The following TIMELESS variants were observed in gnomAD, a reference collection of about 807,000 sequenced individuals.
TIMELESS encodes the protein protein timeless homolog.
A neutral mutation model predicts 164.3 loss-of-function variants in TIMELESS; 124 were observed. That is an observed-to-expected ratio of 0.75 (90% CI 0.65 to 0.88). TIMELESS has a LOEUF of 0.88. Ranked by LOEUF, TIMELESS falls within the 40% of genes least tolerant of loss-of-function variation. TIMELESS has a pLI of 0.00. For missense variants in TIMELESS, 1,422 were observed against 1,491.4 expected, an observed-to-expected ratio of 0.95 and a Z score of 0.77; for synonymous variants, 564 against 563.4, an observed-to-expected ratio of 1.00 and a Z score of -0.02.
rs1881967476 is a variant in TIMELESS at position 56,433,557 on chromosome 12, T to C, written c.347A>G (p.Tyr116Cys). 1 of 1,614,002 alleles carries C rather than the reference T, an allele frequency of 6.2e-7. No homozygotes were observed. The highest frequency in any genetic ancestry group is 1.3e-5 in the African/African-American group (1 of 74,908). The change falls in exon 4 of 29, where the codon TAT (tyrosine) becomes TGT (cysteine). Residue 116 changes from tyrosine to cysteine, a missense_variant. By Grantham distance (194) the Tyr-to-Cys change is radical. Transcript: ENST00000553532. ...FRHHFLQVLT[Y>C]LQAYKEAFAS... ...CCTCACCTCTTTGTAGGCCTGCAAA[T>C]AAGTTAGCACCTGCAAAAAATGGTG...
intron 1 of TIMELESS, among the ~76,000 whole-genome samples, chr12:56,445,023 T>G: frequency 6.6e-6 from 1 of 151,832 alleles, no homozygotes; most frequent in South Asian, 2.1e-4. Flanking sequence ...TACCTTACAC[T>G]CAATAGGTCT....
intron 7 of TIMELESS, 142 bp from the exon 8 acceptor site, chr12:56,431,746 A>T: frequency 3.9e-6 from 4 of 1,038,640 alleles, no homozygotes; most frequent in Non-Finnish European, 5.3e-6. Flanking sequence ...TCTGAGGGGG[A>T]AATGTTCTAA....
chr12:56,422,467 TG>T (rs1346567818), intron 19 of TIMELESS, among the ~76,000 whole-genome samples: 1 of 152,040 alleles, frequency 6.6e-6, no homozygotes, highest in Non-Finnish European at 1.5e-5. Context: ...AGAGACTAAG[TG>T]TGAAAGGAGA....
intron 2 of TIMELESS, 32 bp downstream of exon 2, chr12:56,434,042 T>A (rs1565685930): frequency 1.9e-6 from 3 of 1,611,992 alleles, no homozygotes; most frequent in Non-Finnish European, 2.5e-6. Flanking sequence ...TTCAAGCCAA[T>A]TTTTTTCCTG....
chr12:56,427,590 T>C (rs901151484), intron 13 of TIMELESS, among the ~76,000 whole-genome samples: 12 of 152,310 alleles, frequency 7.9e-5, no homozygotes, highest in African/African-American at 2.9e-4. Context: ...CTCTTTGTGT[T>C]GCTGTTGAGA....
chr12:56,422,830 GC>G lies in TIMELESS; in HGVS notation c.2438+16del. ...CTTCCCCTACCCCCACCCACCCTTT[GC>G]CAACTTCAAGCTCACCTGTCATCCA... On this transcript the variant is annotated intron_variant, in intron 19 of 28. Transcript: ENST00000553532. The G allele has an allele frequency of 4.4e-6, 3 of 680,322 alleles. No homozygotes were observed. The highest frequency in any genetic ancestry group is 4.9e-6 in the Non-Finnish European group (2 of 406,100). 42.1% of individuals were successfully genotyped at this position (680,322 alleles called of 1,614,324 possible). A position where few individuals can be genotyped will look rare whatever the true frequency, so the allele number is the denominator to read the frequency against.
intron 19 of TIMELESS, 25 bp downstream of exon 19, chr12:56,422,822 C>A: frequency 6.4e-7 from 1 of 1,568,272 alleles, no homozygotes; most frequent in South Asian, 1.1e-5. Context: ...TACCCCCACC[C>A]ACCCTTTGCC....
intron 10 of TIMELESS, among the ~76,000 whole-genome samples, chr12:56,429,345 C>G (rs1384419911): frequency 6.6e-6 from 1 of 151,796 alleles, no homozygotes; most frequent in African/African-American, 2.4e-5. Context: ...ATTATAGGTG[C>G]CCGCCACCAC....
chr12:56,419,011 TC>T (rs67745381), intron 26 of TIMELESS, among the ~76,000 whole-genome samples: 2,226 of 146,564 alleles, frequency 0.015, 90 homozygotes, highest in Non-Finnish European at 0.021. Context: ...TTTTTTTTTT[TC>T]TTTTTGAGGC....
In TIMELESS at chr12:56,433,104, T is replaced by C; in HGVS notation, c.453A>G (p.Glu151=). 1 of 1,614,156 alleles carries C rather than the reference T, an allele frequency of 6.2e-7. No homozygotes were observed. The highest frequency in any genetic ancestry group is 8.5e-7 in the Non-Finnish European group (1 of 1,180,024). The part of the protein sequence containing the change: ...LQLGWEERQE[E]DNLLIERILL... ...GGATCCGTTCAATCAGCAAGTTGTCTTCCTCCTGCCGTTCCTCCCAGCCCT... is the reference window on the plus strand; with the variant it reads ...GGATCCGTTCAATCAGCAAGTTGTCCTCCTCCTGCCGTTCCTCCCAGCCCT... The change falls in exon 6 of 29, where the codon GAA becomes GAG. Residue 151 remains glutamate (E), a synonymous_variant. Transcript: ENST00000553532.
intron 6 of TIMELESS, among the ~76,000 whole-genome samples, 161 bp downstream of exon 6, chr12:56,432,865 G>C (rs768028226): frequency 6.9e-6 from 1 of 144,536 alleles, no homozygotes; most frequent in Non-Finnish European, 1.5e-5. Flanking sequence ...TGAGGCAGGA[G>C]AATGGCGTGA....
chr12:56,422,813 A>AACCCCCCC, intron 19 of TIMELESS, 34 bp downstream of exon 19: 11 of 1,356,814 alleles, frequency 8.1e-6, no homozygotes, highest in African/African-American at 1.5e-5. Context: ...AACTTCCCCT[A>AACCCCCCC]CCCCCACCCA....
rs766271053 is a variant in TIMELESS at position 56,428,228 on chromosome 12, C to T, written c.1578+8G>A. On this transcript the variant is annotated splice_region_variant and intron_variant, in intron 13 of 28. Coordinates refer to ENST00000553532, the MANE Select transcript of TIMELESS (RefSeq NM_003920.5). ...CAGCTCTTTCTACATTGTGGGGCTG[C>T]CCAGTACCTGCACCACCAGGTTCCC... is the stretch of plus-strand genomic sequence containing the variant. The T allele has an allele frequency of 6.3e-7, 1 of 1,587,438 alleles. No individual in the cohort carries two copies. Among genetic ancestry groups the T allele is most frequent in the South Asian group, 1.1e-5 (1 of 88,194 alleles).
intron 1 of TIMELESS, among the ~76,000 whole-genome samples, chr12:56,436,943 T>C (rs989855943): frequency 1.3e-5 from 2 of 152,034 alleles, no homozygotes; most frequent in Non-Finnish European, 2.9e-5. Context: ...TTTTTTTTTT[T>C]TTTGAGACAG....
chr12:56,424,999 T>A lies in TIMELESS; in HGVS notation c.1716+16A>T. 6.2e-7 allele frequency: 1 copy of A among 1,614,104 alleles called. No homozygotes were observed. ...GCACTATTCTCAAAAAAGACAGGGT[T>A]TCTGTAACCACCTACCTGGGCACAG... On this transcript the variant is annotated intron_variant, in intron 14 of 28. Transcript: ENST00000553532.
intron 7 of TIMELESS, among the ~76,000 whole-genome samples, chr12:56,431,828 ATATATTTG>A (rs1269645455): frequency 6.6e-6 from 1 of 151,508 alleles, no homozygotes; most frequent in Non-Finnish European, 1.5e-5. Context: ...ATATACATAT[ATATATTTG>A]TATGTGTATA....
Position 56,417,714 on chromosome 12 carries a change from C to T in TIMELESS, c.*2G>A. On this transcript the variant is annotated 3_prime_UTR_variant, in exon 29 of 29. Transcript: ENST00000553532. ...ATCTCTACCCCTAGGCTTCTTAGCT[C>T]TTCAGTCATCCTCATCATCCTCAAT... The T allele has an allele frequency of 1.2e-6, 2 of 1,614,146 alleles. No individual in the cohort carries two copies. The highest frequency in any genetic ancestry group is 1.7e-6 in the Non-Finnish European group (2 of 1,180,018).
At chr12:56,419,555 A>G (rs557371792) in intron 26 of TIMELESS, among the ~76,000 whole-genome samples, 171 of 151,750 alleles carry the variant, frequency 1.1e-3, no homozygotes, top group African/African-American at 4.0e-3. Context: ...GGAGGCATGA[A>G]AAAGCCTACC....
At chr12:56,442,938 TA>T (rs1868297487) in intron 1 of TIMELESS, among the ~76,000 whole-genome samples, 1 of 152,252 alleles carries the variant, frequency 6.6e-6, no homozygotes, top group African/African-American at 2.4e-5. Flanking sequence ...AATACTCTTA[TA>T]ATTTCCTATG....
Sources: allele counts gnomAD v4.1 joint callset (sites outside exome capture counted in the v4.1 genomes callset), GRCh38; gene constraint gnomAD v4.1.1; transcripts MANE v1.5; gene names NCBI Gene and HGNC (gene_info 2026-07-23, HGNC 2026-07-21).